Variants in NCAM2 observed in about 807,000 individuals in gnomAD.
The protein encoded by NCAM2 is neural cell adhesion molecule 2.
A neutral mutation model predicts 98.1 loss-of-function variants in NCAM2; 30 were observed. That is an observed-to-expected ratio of 0.31 (90% CI 0.23 to 0.41). NCAM2 has a LOEUF of 0.41. NCAM2 is among the 10% of genes least tolerant of loss of function. The pLI is 1.00. For synonymous variants in NCAM2, 368 were observed against 342.4 expected (o/e 1.07, Z -0.83); for missense variants, 867 against 1,005.8 (o/e 0.86, Z 1.87).
rs1204100970 is a variant in NCAM2 at position 21,054,002 on chromosome 21, T to C, written c.55+55384T>C. Among the ~76,000 whole-genome samples the C allele has an allele frequency of 2.0e-5, 3 of 151,830 alleles. No homozygotes were observed. The East Asian group carries it at 5.8e-4, about 29-fold the overall frequency. ...TTTGGTATGTGTTATGATTTCCGTG[T>C]AAGTTTGGAAGGTGATCCTTGGAAA... On this transcript the variant is annotated intron_variant, in intron 1 of 17. Coordinates refer to ENST00000400546, the MANE Select transcript of NCAM2 (RefSeq NM_004540.5).
Position 21,001,223 on chromosome 21 carries a change from T to TA in NCAM2, c.55+2607dup, listed in dbSNP as rs569319321. 7.8e-3 allele frequency among the ~76,000 whole-genome samples: 1,181 copies of TA among 152,342 alleles called. 10 individuals are homozygous for TA. The highest frequency in any genetic ancestry group is 0.012 in the Non-Finnish European group (845 of 68,016). On this transcript the variant is annotated intron_variant, in intron 1 of 17. Coordinates refer to ENST00000400546, the MANE Select transcript of NCAM2 (RefSeq NM_004540.5). ...CTAACTTAAGTGAATGCCAATACTATAATTAGCTAACAAGGCCTAATAGTT... is the reference window on the plus strand; with the variant it reads ...CTAACTTAAGTGAATGCCAATACTATAAATTAGCTAACAAGGCCTAATAGTT...
At chr21:21,082,054 C>A (rs575728366) in intron 1 of NCAM2, among the ~76,000 whole-genome samples, 2 of 150,854 alleles carry the variant, frequency 1.3e-5, no homozygotes, top group South Asian at 2.1e-4. Flanking sequence ...AAGATGAAAC[C>A]CCATCTCTAC....
At chr21:21,033,918 A>G (rs1490714474) in intron 1 of NCAM2, among the ~76,000 whole-genome samples, 5 of 151,906 alleles carry the variant, frequency 3.3e-5, no homozygotes, top group African/African-American at 1.2e-4. Context: ...TCAAAGTAAT[A>G]TATTTTGGTT....
rs988804425 is a variant in NCAM2 at position 21,542,356 on chromosome 21, TAAC to T, written c.*4401_*4403del. 10 of 151,856 alleles carry T rather than the reference TAAC, an allele frequency of 6.6e-5. No individual in the cohort carries two copies. Among genetic ancestry groups the T allele is most frequent in the Admixed American group, 4.6e-4 (7 of 15,212 alleles). 9.4% of individuals were successfully genotyped at this position (151,856 alleles called of 1,614,324 possible). A position where few individuals can be genotyped will look rare whatever the true frequency, so the allele number is the denominator to read the frequency against. On this transcript the variant is annotated 3_prime_UTR_variant, in exon 18 of 18. Transcript: ENST00000400546. ...TATATAATGCTAAATATTTATTTGA[TAAC>T]ACAATATTCTTAGAAAAATAGTTTA... is the stretch of plus-strand genomic sequence containing the variant.
At chr21:21,211,483 G>C (rs981510492) in intron 1 of NCAM2, among the ~76,000 whole-genome samples, 3 of 152,082 alleles carry the variant, frequency 2.0e-5, no homozygotes, top group Admixed American at 6.6e-5. Flanking sequence ...ACCATAAACC[G>C]CAGTTGCACT....
chr21:21,030,418 T>C (rs565595046), intron 1 of NCAM2, among the ~76,000 whole-genome samples: 9 of 152,300 alleles, frequency 5.9e-5, no homozygotes, highest in East Asian at 5.8e-4. Context: ...GTTCTATAGG[T>C]CAGAAGTTTC....
intron 1 of NCAM2, among the ~76,000 whole-genome samples, chr21:21,096,947 A>G (rs1223031628): frequency 6.6e-6 from 1 of 151,754 alleles, no homozygotes. Flanking sequence ...AAGCCTCTGT[A>G]ATGGAGACAG....
chr21:21,257,418 A>C (rs2071715261), intron 1 of NCAM2, among the ~76,000 whole-genome samples: 1 of 152,178 alleles, frequency 6.6e-6, no homozygotes, highest in Non-Finnish European at 1.5e-5. Flanking sequence ...TGTCCTGTGG[A>C]GTCTTCTTGG....
chr21:21,300,295 A>G (rs756642851), intron 5 of NCAM2, among the ~76,000 whole-genome samples: 1 of 152,012 alleles, frequency 6.6e-6, no homozygotes, highest in Non-Finnish European at 1.5e-5. Flanking sequence ...AACCACGAAG[A>G]TCCAAATGAG....
Position 21,373,860 on chromosome 21 carries a change from C to T in NCAM2, c.1045-3C>T. ...TTTCTTTTTCCTGAATCGATGTAAA[C>T]AGAGCCTGGACGGCCGTATCGAAGT... On this transcript the variant is annotated splice_region_variant and splice_polypyrimidine_tract_variant and intron_variant, in intron 8 of 17. Coordinates refer to ENST00000400546, the MANE Select transcript of NCAM2 (RefSeq NM_004540.5). The T allele has an allele frequency of 6.2e-7, 1 of 1,600,900 alleles. No individual in the cohort carries two copies. The highest frequency in any genetic ancestry group is 8.5e-7 in the Non-Finnish European group (1 of 1,174,046).
At chr21:21,327,326 A>AAT in intron 6 of NCAM2, among the ~76,000 whole-genome samples, 1 of 151,630 alleles carries the variant, frequency 6.6e-6, no homozygotes, top group African/African-American at 2.4e-5. Flanking sequence ...AAAAAAAAAA[A>AAT]AAAATTTCTT....
intron 11 of NCAM2, among the ~76,000 whole-genome samples, chr21:21,426,839 C>G (rs232394): frequency 0.1 from 15,902 of 152,180 alleles, 1,085 homozygotes; most frequent in African/African-American, 0.19. Flanking sequence ...AGCAGCAAGT[C>G]AGTCTAGGAA....
At chr21:21,065,304 G>A (rs114070859) in intron 1 of NCAM2, among the ~76,000 whole-genome samples, 1,692 of 152,168 alleles carry the variant, frequency 0.011, 33 homozygotes, top group African/African-American at 0.038. Context: ...CATTTAACAA[G>A]CAATTATATT....
chr21:21,291,151 C>T (rs1733370553), intron 4 of NCAM2, among the ~76,000 whole-genome samples: 1 of 151,842 alleles, frequency 6.6e-6, no homozygotes, highest in African/African-American at 2.4e-5. Context: ...CGGGGTGTCT[C>T]TTATTCATCA....
intron 1 of NCAM2, among the ~76,000 whole-genome samples, chr21:21,214,732 T>TAG (rs2069809066): frequency 1.2e-5 from 1 of 84,022 alleles, no homozygotes; most frequent in African/African-American, 3.1e-5. Context: ...CATATATATA[T>TAG]ATATATATAT....
intron 16 of NCAM2, among the ~76,000 whole-genome samples, chr21:21,520,800 G>T (rs1050989191): frequency 6.6e-6 from 1 of 152,044 alleles, no homozygotes; most frequent in African/African-American, 2.4e-5. Flanking sequence ...ACCAGTTCAG[G>T]AATAGGAAAA....
chr21:21,276,624 G>T (rs1366056993), intron 1 of NCAM2, among the ~76,000 whole-genome samples: 3 of 151,904 alleles, frequency 2.0e-5, no homozygotes, highest in African/African-American at 7.3e-5. Context: ...ACCTTATATT[G>T]ATTTGGGTCA....
intron 1 of NCAM2, among the ~76,000 whole-genome samples, chr21:21,119,563 A>G (rs2066630017): frequency 5.6e-3 from 1 of 180 alleles, no homozygotes; most frequent in African/African-American, 0.022. Context: ...AATGGCAGAA[A>G]ATGTATCAAC....
intron 1 of NCAM2, among the ~76,000 whole-genome samples, chr21:21,137,940 A>G (rs1467837856): frequency 6.8e-6 from 1 of 146,160 alleles, no homozygotes; most frequent in East Asian, 2.0e-4. Flanking sequence ...GTGACACTGG[A>G]TTTGTGTTGA....
Sources: gnomAD v4.1 joint callset for allele counts (sites outside exome capture counted in the v4.1 genomes callset) on GRCh38, gnomAD v4.1.1 for gene constraint, MANE v1.5 for transcripts, NCBI Gene and HGNC (gene_info 2026-07-23, HGNC 2026-07-21) for gene names.